The following EPHB1 variants were observed in gnomAD, a reference collection of about 807,000 sequenced individuals.
EPHB1 encodes EPH receptor B1.
Under a neutral mutation model 94.4 loss-of-function variants are expected in EPHB1, and 30 were observed. The observed-to-expected ratio is 0.32, with a 90% CI of 0.24 to 0.43. The LOEUF is 0.43. Among genes scored for constraint, EPHB1 ranks in the 20% least tolerant of loss-of-function variants. EPHB1 has a pLI of 1.00. For synonymous variants in EPHB1, 522 were observed against 489.1 expected, an observed-to-expected ratio of 1.07 and a Z score of -0.89; for missense variants, 1,055 against 1,308.3, an observed-to-expected ratio of 0.81 and a Z score of 2.99.
chr3:135,118,645 T>C (rs1939810853), intron 4 of EPHB1, among the ~76,000 whole-genome samples: 2 of 152,282 alleles, frequency 1.3e-5, no homozygotes, highest in South Asian at 4.1e-4. Flanking sequence ...ACAAAATTAA[T>C]GGTAGAATCC....
At chr3:135,151,279 C>G (rs1941184905) in intron 5 of EPHB1, among the ~76,000 whole-genome samples, 1 of 152,198 alleles carries the variant, frequency 6.6e-6, no homozygotes, top group Admixed American at 6.5e-5. Flanking sequence ...CAAACTCCTT[C>G]TAGTGTCCCT....
intron 3 of EPHB1, among the ~76,000 whole-genome samples, chr3:135,041,881 A>G (rs556578041): frequency 6.9e-4 from 103 of 149,050 alleles, no homozygotes; most frequent in African/African-American, 2.4e-3. Flanking sequence ...GCACCTGCAC[A>G]CATGAGAGAG....
intron 9 of EPHB1, among the ~76,000 whole-genome samples, chr3:135,178,599 CAGA>C (rs1411208563): frequency 6.6e-6 from 1 of 151,968 alleles, no homozygotes; most frequent in Non-Finnish European, 1.5e-5. Flanking sequence ...ATAGAGCCAT[CAGA>C]AGTTTTTTGG....
At position 135,179,955 on chromosome 3, in the gene EPHB1, G is replaced by A. The variant is rs779869039; in HGVS notation, c.1855G>A (p.Val619Met). 2 of 1,613,946 alleles carry A rather than the reference G, an allele frequency of 1.2e-6. No individual in the cohort carries two copies. The highest frequency in any genetic ancestry group is 1.1e-5 in the South Asian group (1 of 91,078). The change falls in exon 10 of 16, where the codon GTG becomes ATG. Residue 619 changes from valine (V) to methionine (M), a missense_variant. Transcript: ENST00000398015. ...EFAKEIDVSF[V>M]KIEEVIGAGE... ...TGCCAAGGAGATTGATGTATCTTTT[G>A]TGAAAATTGAAGAGGTCATCGGAGC...
chr3:134,959,126 G>A (rs6776308), intron 3 of EPHB1, among the ~76,000 whole-genome samples: 50,417 of 152,006 alleles, frequency 0.33, 8,848 homozygotes, highest in Middle Eastern at 0.5. Flanking sequence ...GACATCATAT[G>A]GTTATTACTG....
chr3:134,814,121 C>T lies in EPHB1; in HGVS notation c.58+18432C>T, dbSNP rs76096743. Among the ~76,000 whole-genome samples the T allele has an allele frequency of 9.1e-3, 1,388 of 152,276 alleles. 17 individuals carry two copies. Among genetic ancestry groups the T allele is most frequent in the African/African-American group, 0.032 (1,319 of 41,550 alleles). On this transcript the variant is annotated intron_variant, in intron 1 of 15. Coordinates refer to ENST00000398015, the MANE Select transcript of EPHB1 (RefSeq NM_004441.5). ...CTCAGGGAGAGGCTGATGCGCATGC[C>T]ACCGTGGCAAGAAAACCAGGGACTT...
intron 3 of EPHB1, among the ~76,000 whole-genome samples, chr3:135,032,509 G>A (rs962218341): frequency 5.9e-5 from 9 of 152,070 alleles, no homozygotes; most frequent in Non-Finnish European, 1.0e-4. Flanking sequence ...TCCTCTGTTT[G>A]TAGGTTTTGT....
chr3:135,139,891 C>T (rs1052632665), intron 5 of EPHB1, among the ~76,000 whole-genome samples: 5 of 152,168 alleles, frequency 3.3e-5, no homozygotes, highest in African/African-American at 1.2e-4. Context: ...GGATATCACA[C>T]GCTGGGACAC....
chr3:135,252,188 TTTA>T (rs1262395199), intron 15 of EPHB1, among the ~76,000 whole-genome samples: 2 of 151,264 alleles, frequency 1.3e-5, no homozygotes, highest in African/African-American at 2.4e-5. Flanking sequence ...TTAATTTTAT[TTTA>T]TTTTTATTTT....
chr3:135,015,980 A>G (rs750937902), intron 3 of EPHB1, among the ~76,000 whole-genome samples: 2 of 152,136 alleles, frequency 1.3e-5, no homozygotes, highest in Admixed American at 1.3e-4. Flanking sequence ...AGAGGAGAAG[A>G]GTGGTTGAGA....
intron 3 of EPHB1, among the ~76,000 whole-genome samples, chr3:135,102,728 C>A (rs577317020): frequency 2.0e-5 from 3 of 152,168 alleles, no homozygotes; most frequent in Non-Finnish European, 2.9e-5. Flanking sequence ...GGAACCAACC[C>A]AAATGCCCAT....
chr3:135,187,629 A>G (rs1196538146), intron 10 of EPHB1, among the ~76,000 whole-genome samples: 1 of 152,132 alleles, frequency 6.6e-6, no homozygotes, highest in Non-Finnish European at 1.5e-5. Context: ...CAATACGCCC[A>G]TCGACTCCTG....
intron 3 of EPHB1, among the ~76,000 whole-genome samples, chr3:135,061,284 C>A (rs566845415): frequency 6.6e-6 from 1 of 151,986 alleles, no homozygotes; most frequent in African/African-American, 2.4e-5. Flanking sequence ...TCCCCTCCCA[C>A]CTTTACCCAC....
chr3:135,164,734 G>A (rs985492200), intron 7 of EPHB1, among the ~76,000 whole-genome samples: 5 of 150,310 alleles, frequency 3.3e-5, no homozygotes, highest in African/African-American at 1.2e-4. Context: ...GCTTGAACTC[G>A]GGAGGCGGAG....
chr3:135,178,368 A>G (rs1942052269), intron 9 of EPHB1, among the ~76,000 whole-genome samples: 1 of 151,140 alleles, frequency 6.6e-6, no homozygotes, highest in African/African-American at 2.4e-5. Flanking sequence ...CGGCAGAAGA[A>G]TCGCTTGAAC....
rs1935381231 is a variant in EPHB1 at position 135,005,744 on chromosome 3, T to G, written c.805+53692T>G. On this transcript the variant is annotated intron_variant, in intron 3 of 15. Coordinates refer to ENST00000398015, the MANE Select transcript of EPHB1 (RefSeq NM_004441.5). Reference sequence around the variant, plus strand: ...TTCCAGGTGCCGTCCATCACCCCTTTCTTTGATTAGGAAAGGGAACTCCCT... The same window carrying G: ...TTCCAGGTGCCGTCCATCACCCCTTGCTTTGATTAGGAAAGGGAACTCCCT... 2.0e-5 allele frequency among the ~76,000 whole-genome samples: 3 copies of G among 152,304 alleles called. 1 individual carries two copies. Among genetic ancestry groups the G allele is most frequent in the South Asian group, 4.1e-4 (2 of 4,822 alleles).
intron 15 of EPHB1, among the ~76,000 whole-genome samples, chr3:135,257,201 C>A (rs1468511763): frequency 1.3e-5 from 2 of 152,002 alleles, no homozygotes; most frequent in Non-Finnish European, 2.9e-5. Context: ...TCGTCTGAAG[C>A]CTTCTTCTCT....
At chr3:134,919,364 G>C (rs1000089590) in intron 1 of EPHB1, among the ~76,000 whole-genome samples, 1 of 152,194 alleles carries the variant, frequency 6.6e-6, no homozygotes, top group African/African-American at 2.4e-5. Flanking sequence ...CTGTGGCTGT[G>C]CTGGGCCCAG....
intron 1 of EPHB1, among the ~76,000 whole-genome samples, chr3:134,924,515 G>T (rs2038751954): frequency 6.6e-6 from 1 of 152,192 alleles, no homozygotes; most frequent in South Asian, 2.1e-4. Flanking sequence ...GCAAGGAAAT[G>T]AAAATTAGGA....
Sources: allele counts gnomAD v4.1 joint callset (sites outside exome capture counted in the v4.1 genomes callset), GRCh38; gene constraint gnomAD v4.1.1; transcripts MANE v1.5; gene names NCBI Gene and HGNC (gene_info 2026-07-23, HGNC 2026-07-21).